Variants in IQSEC2 observed in about 807,000 individuals in gnomAD.
IQSEC2 encodes IQ motif and Sec7 domain ArfGEF 2, also known as IQ motif and SEC7 domain-containing protein 2.
Under a neutral mutation model 74.6 loss-of-function variants are expected in IQSEC2, and 6 were observed. The ratio of observed to expected loss-of-function variants is 0.08; its 90% CI spans 0.04 to 0.16. IQSEC2 has a LOEUF of 0.16. Among genes scored for constraint, IQSEC2 ranks in the 10% least tolerant of loss-of-function variants. IQSEC2 has a pLI of 1.00. For synonymous variants in IQSEC2, 494 were observed against 544.5 expected (o/e 0.91, Z 1.29); for missense variants, 734 against 1,306.2 (o/e 0.56, Z 6.75).
chrX:53,280,043 G>A (rs1289080350), intron 2 of IQSEC2, among the ~76,000 whole-genome samples: 10 of 110,052 alleles, frequency 9.1e-5, no homozygotes, highest in African/African-American at 3.3e-4. Context: ...ACAGGGGGCA[G>A]TAGAGACGAA....
chrX:53,257,403 T>G (rs1246788352), intron 2 of IQSEC2, among the ~76,000 whole-genome samples: 3 of 112,279 alleles, frequency 2.7e-5, no homozygotes, highest in African/African-American at 9.7e-5. Context: ...GGCTCCGCCC[T>G]GGGGAGAGCT....
At chrX:53,292,311 T>G (rs1432160016) in intron 1 of IQSEC2, among the ~76,000 whole-genome samples, 1 of 111,803 alleles carries the variant, frequency 8.9e-6, no homozygotes, top group African/African-American at 3.3e-5. Context: ...CAGGAAGACC[T>G]AGGTTCAGAT....
chrX:53,265,158 A>C lies in IQSEC2; in HGVS notation c.738-9097T>G, dbSNP rs782644615. Reference sequence around the variant, plus strand: ...TGCTTTGTTGAGTAGAATGAGGAAGAGTAAATAAGGGAGACAGGCAGGGAG... The same window carrying C: ...TGCTTTGTTGAGTAGAATGAGGAAGCGTAAATAAGGGAGACAGGCAGGGAG... On this transcript the variant is annotated intron_variant, in intron 2 of 14. Transcript: ENST00000642864. 5.4e-5 allele frequency among the ~76,000 whole-genome samples: 6 copies of C among 110,980 alleles called. 2 individuals carry two copies. The South Asian group carries it at 2.3e-3, about 43-fold the overall frequency.
chrX:53,280,367 G>A (rs1314890258), intron 2 of IQSEC2, among the ~76,000 whole-genome samples: 1 of 110,793 alleles, frequency 9.0e-6, no homozygotes, highest in East Asian at 2.9e-4. Flanking sequence ...GAGATAGAGA[G>A]AAACCGAAAG....
At chrX:53,307,295 C>CTTTTTTTTTTTTTTTTT (rs60909741) in intron 1 of IQSEC2, among the ~76,000 whole-genome samples, 15 of 55,938 alleles carry the variant, frequency 2.7e-4, no homozygotes, top group Non-Finnish European at 5.5e-4. Context: ...TTCTTTCTTT[C>CTTTTTTTTTTTTTTTTT]TTTTTTTTTT....
At chrX:53,255,692 G>T in intron 3 of IQSEC2, 108 bp downstream of exon 3, 1 of 963,182 alleles carries the variant, frequency 1.0e-6, no homozygotes, top group Non-Finnish European at 1.5e-6. Flanking sequence ...TCCAATTCCA[G>T]CCTCATTATC....
At chrX:53,278,584 G>C (rs1439872678) in intron 2 of IQSEC2, among the ~76,000 whole-genome samples, 1 of 111,217 alleles carries the variant, frequency 9.0e-6, no homozygotes, top group African/African-American at 3.3e-5. Context: ...CTAGCTTCTT[G>C]AGTGGAATAA....
chrX:53,239,322 A>T, intron 10 of IQSEC2, 28 bp from the exon 11 acceptor site: 2 of 1,003,072 alleles, frequency 2.0e-6, no homozygotes, highest in Non-Finnish European at 2.8e-6. Flanking sequence ...AAAAGACAAG[A>T]GGCAGCGCTT....
chrX:53,317,219 A>G (rs782197810), intron 1 of IQSEC2, among the ~76,000 whole-genome samples: 2 of 112,187 alleles, frequency 1.8e-5, no homozygotes, highest in Non-Finnish European at 3.8e-5. Context: ...ACCAACGACT[A>G]AAAAGCAAGC....
rs1556872371 is a variant in IQSEC2, at chrX:53,288,852, G to A, written c.737+3043C>T. ...GCTAGCTAGCTTTGTGACCTCGAGCGATGGCCAATCCCTCTCTGGACCTTG... is the reference window on the plus strand; with the variant it reads ...GCTAGCTAGCTTTGTGACCTCGAGCAATGGCCAATCCCTCTCTGGACCTTG... On this transcript the variant is annotated intron_variant, in intron 2 of 14. Transcript: ENST00000642864. Among the ~76,000 whole-genome samples, 4 of 111,889 alleles carry A rather than the reference G, an allele frequency of 3.6e-5. No homozygotes were observed. In the South Asian group the frequency reaches 1.1e-3, roughly 31 times the overall value.
Position 53,288,380 on chromosome X carries a change from G to A in IQSEC2, c.737+3515C>T, listed in dbSNP as rs191321752. Among the ~76,000 whole-genome samples the A allele has an allele frequency of 5.4e-3, 597 of 109,924 alleles. 8 individuals are homozygous for A. Among genetic ancestry groups the A allele is most frequent in the African/African-American group, 0.019 (567 of 30,097 alleles). On this transcript the variant is annotated intron_variant, in intron 2 of 14. Coordinates refer to ENST00000642864, the MANE Select transcript of IQSEC2 (RefSeq NM_001111125.3). ...CGTCCCTGTCTCCGCGGGTGTCAGCGGCTCCCCCACCCCCTCCCTCCTTCC... is the reference window on the plus strand; with the variant it reads ...CGTCCCTGTCTCCGCGGGTGTCAGCAGCTCCCCCACCCCCTCCCTCCTTCC...
chrX:53,274,390 A>T (rs1021497725), intron 2 of IQSEC2, among the ~76,000 whole-genome samples: 8 of 105,736 alleles, frequency 7.6e-5, no homozygotes, highest in African/African-American at 2.8e-4. Context: ...TTTCTCCAGA[A>T]CCCTTCCAAT....
At position 53,321,225 on chromosome X, in the gene IQSEC2, A is replaced by G. The variant is rs2146554302; in HGVS notation, c.-102T>C. On this transcript the variant is annotated 5_prime_UTR_variant, in exon 1 of 15. Coordinates refer to ENST00000642864, the MANE Select transcript of IQSEC2 (RefSeq NM_001111125.3). ...CCAGCCGGGGGAGGGGGCCGGCGGG[A>G]CGCGAGGGCGCGCACCGGGCTTGAG... 1 of 468,391 alleles carries G rather than the reference A, an allele frequency of 2.1e-6. No homozygotes were observed. The highest frequency in any genetic ancestry group is 3.3e-6 in the Non-Finnish European group (1 of 299,440). 38.6% of individuals were successfully genotyped at this position (468,391 alleles called of 1,213,427 possible). A position where few individuals can be genotyped will look rare whatever the true frequency, so the allele number is the denominator to read the frequency against.
intron 2 of IQSEC2, among the ~76,000 whole-genome samples, chrX:53,285,215 A>G (rs1274300381): frequency 9.9e-5 from 11 of 111,074 alleles, no homozygotes; most frequent in African/African-American, 3.6e-4. Flanking sequence ...TGGGTTGGGT[A>G]TATTTCCGTG....
intron 2 of IQSEC2, among the ~76,000 whole-genome samples, chrX:53,262,462 T>G (rs782470575): frequency 8.7e-4 from 97 of 111,440 alleles, no homozygotes; most frequent in Middle Eastern, 4.6e-3. Context: ...CATGACAACT[T>G]AGGTGGCAGT....
chrX:53,228,613 T>C (rs1289010304), downstream of IQSEC2, among the ~76,000 whole-genome samples: 1 of 112,062 alleles, frequency 8.9e-6, no homozygotes, highest in Non-Finnish European at 1.9e-5. Context: ...ACACTGACTT[T>C]GTGTCTCACT....
At chrX:53,268,282 A>C (rs1440347757) in intron 2 of IQSEC2, among the ~76,000 whole-genome samples, 1 of 111,403 alleles carries the variant, frequency 9.0e-6, no homozygotes, top group Admixed American at 9.5e-5. Flanking sequence ...AGGGAAGTGA[A>C]GGGAAAGGAA....
chrX:53,298,581 C>CT (rs782441391), intron 1 of IQSEC2, among the ~76,000 whole-genome samples: 2 of 111,759 alleles, frequency 1.8e-5, no homozygotes, highest in East Asian at 2.8e-4. Context: ...TGGCATGGGT[C>CT]TTTTTATCAT....
chrX:53,318,361 C>CT (rs1361897875), intron 1 of IQSEC2, among the ~76,000 whole-genome samples: 1 of 112,038 alleles, frequency 8.9e-6, no homozygotes, highest in Non-Finnish European at 1.9e-5. Flanking sequence ...AACAAGCAAC[C>CT]TGGGGGGGTT....
Sources: allele counts gnomAD v4.1 joint callset (sites outside exome capture counted in the v4.1 genomes callset), GRCh38; gene constraint gnomAD v4.1.1; transcripts MANE v1.5; gene names NCBI Gene and HGNC (gene_info 2026-07-23, HGNC 2026-07-21).